The following C2orf76 variants were observed in gnomAD, a reference collection of about 807,000 sequenced individuals.
C2orf76 encodes the protein UPF0538 protein C2orf76.
In C2orf76, 23 loss-of-function variants were observed where a neutral mutation model predicts 16.9. The observed-to-expected ratio is 1.36, with a 90% CI of 0.98 to 1.93. The LOEUF (loss-of-function observed/expected upper bound fraction) is 1.93, where lower values mean the gene tolerates loss of function less well. C2orf76 is among the 30% of genes most tolerant of loss of function. The pLI, the probability that C2orf76 is intolerant of heterozygous loss-of-function variation, is 0.00. For synonymous variants in C2orf76, 48 were observed against 52.3 expected (o/e 0.92, Z 0.35); for missense variants, 152 against 152.6 (o/e 1.00, Z 0.02).
chr2:119,336,903 C>T (rs934191635), intron 2 of C2orf76, among the ~76,000 whole-genome samples: 2 of 152,058 alleles, frequency 1.3e-5, no homozygotes, highest in African/African-American at 2.4e-5. Context: ...AGAGATCCCA[C>T]TCAAGCAAGT....
rs578182451 is a variant in C2orf76 at position 119,326,909 on chromosome 2, C to T, written c.134-5705G>A. On this transcript the variant is annotated intron_variant, in intron 2 of 5. Transcript: ENST00000334816. Reference sequence around the variant, plus strand: ...GTACACTGATCTTATATCTTAATATCTTATAACCTTGCTAAGCTCAGTTTG... The same window carrying T: ...GTACACTGATCTTATATCTTAATATTTTATAACCTTGCTAAGCTCAGTTTG... 1.1e-3 allele frequency among the ~76,000 whole-genome samples: 164 copies of T among 152,086 alleles called. 1 individual carries two copies. The highest frequency in any genetic ancestry group is 3.4e-3 in the Middle Eastern group (1 of 294).
rs542602538 is a variant in C2orf76, at chr2:119,343,801, A to C, written c.-12-3830T>G. ...TCTCAAAAAACAAACAAACAAAAAA[A>C]CAAGTCGTTCCATTAATTTAAGAAA... On this transcript the variant is annotated intron_variant, in intron 1 of 5. Coordinates refer to ENST00000334816, the MANE Select transcript of C2orf76 (RefSeq NM_001322331.2). 2.0e-5 allele frequency among the ~76,000 whole-genome samples: 3 copies of C among 152,322 alleles called. No individual in the cohort carries two copies. In the East Asian group the frequency reaches 5.8e-4, roughly 29 times the overall value.
intron 2 of C2orf76, among the ~76,000 whole-genome samples, chr2:119,334,303 G>C (rs950313407): frequency 1.4e-5 from 2 of 146,286 alleles, no homozygotes; most frequent in African/African-American, 5.1e-5. Context: ...TGTAAGGGTG[G>C]CTACATGACA....
At chr2:119,321,097 A>G (rs1679325930) in intron 3 of C2orf76, 57 bp downstream of exon 3, 9 of 937,096 alleles carry the variant, frequency 9.6e-6, no homozygotes, top group Non-Finnish European at 1.4e-5. Context: ...TAAGTTTGTA[A>G]CAAACTAATG....
intron 1 of C2orf76, among the ~76,000 whole-genome samples, chr2:119,354,385 C>T (rs566106526): frequency 3.3e-5 from 5 of 152,018 alleles, no homozygotes; most frequent in South Asian, 2.1e-4. Flanking sequence ...ATTAGCCGGG[C>T]GTGGTGGCAC....
chr2:119,336,262 G>A (rs924287017), intron 2 of C2orf76, among the ~76,000 whole-genome samples: 3 of 151,764 alleles, frequency 2.0e-5, no homozygotes, highest in African/African-American at 4.8e-5. Context: ...GCATAGTGGC[G>A]CACACCTGTA....
At chr2:119,295,612 T>C in the C2orf76 span, among the ~76,000 whole-genome samples, 1 of 152,078 alleles carries the variant, frequency 6.6e-6, no homozygotes, top group Non-Finnish European at 1.5e-5. Flanking sequence ...ATTTGATAGA[T>C]CACAAGAATG....
intron 2 of C2orf76, among the ~76,000 whole-genome samples, chr2:119,334,736 G>A (rs1470810713): frequency 6.6e-6 from 1 of 151,034 alleles, no homozygotes; most frequent in East Asian, 1.9e-4. Flanking sequence ...GAAGTCAGAG[G>A]ATACCAGGAA....
chr2:119,300,867 A>C (rs1365810556), downstream of C2orf76, among the ~76,000 whole-genome samples: 1 of 152,148 alleles, frequency 6.6e-6, no homozygotes, highest in Non-Finnish European at 1.5e-5. Flanking sequence ...CTTTCATACC[A>C]CTATAAGGTC....
At chr2:119,286,261 G>C in the C2orf76 span, among the ~76,000 whole-genome samples, 2 of 149,668 alleles carry the variant, frequency 1.3e-5, no homozygotes. Flanking sequence ...AGGCCACAGT[G>C]TGTGATCAGT....
At chr2:119,299,715 T>C (rs1165789211), downstream of C2orf76, among the ~76,000 whole-genome samples, 1 of 152,142 alleles carries the variant, frequency 6.6e-6, no homozygotes, top group African/African-American at 2.4e-5. Context: ...ATAAGAAAAA[T>C]ACATACCAAA....
intron 2 of C2orf76, among the ~76,000 whole-genome samples, chr2:119,328,199 T>C (rs1208033857): frequency 6.6e-6 from 1 of 152,186 alleles, no homozygotes; most frequent in Non-Finnish European, 1.5e-5. Flanking sequence ...AGAATTGAGA[T>C]TATTTCTTTC....
chr2:119,301,866 A>C (rs1678628819), downstream of C2orf76, among the ~76,000 whole-genome samples: 1 of 151,706 alleles, frequency 6.6e-6, no homozygotes, highest in Admixed American at 6.6e-5. Context: ...CAGCTCAAGA[A>C]AGAAAAGAAA....
chr2:119,314,014 G>GTTTTTTTTTTTT (rs368623211), intron 4 of C2orf76, among the ~76,000 whole-genome samples: 1 of 86,140 alleles, frequency 1.2e-5, no homozygotes, highest in African/African-American at 5.0e-5. Context: ...TTTCTCAGTG[G>GTTTTTTTTTTTT]TTTTTTTTTT....
intron 2 of C2orf76, among the ~76,000 whole-genome samples, chr2:119,334,530 A>C (rs1324850287): frequency 1.3e-5 from 2 of 151,792 alleles, no homozygotes; most frequent in Non-Finnish European, 2.9e-5. Flanking sequence ...GTCTCTACTA[A>C]AAATAAAAAA....
At chr2:119,356,436 G>C (rs1306172697) in intron 1 of C2orf76, among the ~76,000 whole-genome samples, 1 of 149,700 alleles carries the variant, frequency 6.7e-6, no homozygotes, top group Non-Finnish European at 1.5e-5. Flanking sequence ...ACACTGAACT[G>C]AATGAAAGTG....
chr2:119,353,704 G>A (rs1370296538), intron 1 of C2orf76, among the ~76,000 whole-genome samples: 10 of 151,774 alleles, frequency 6.6e-5, no homozygotes, highest in African/African-American at 2.2e-4. Context: ...CTGGGACTAC[G>A]GGCACACGCT....
At position 119,366,815 on chromosome 2, in the gene C2orf76, C is replaced by T. The variant is rs1168502145; in HGVS notation, c.-38G>A. 3.4e-6 allele frequency: 2 copies of T among 588,548 alleles called. No homozygotes were observed. Among genetic ancestry groups the T allele is most frequent in the Admixed American group, 3.4e-5 (1 of 29,748 alleles). The allele number at this position is 588,548 out of a possible 1,614,324, so 36.5% of individuals were successfully genotyped here. On this transcript the variant is annotated 5_prime_UTR_variant, in exon 1 of 6. Coordinates refer to ENST00000334816, the MANE Select transcript of C2orf76 (RefSeq NM_001322331.2). Reference sequence around the variant, plus strand: ...CTGTTCCCGGCGTCCCCTTCGGCTACTCCCGGCGTTTGCGCAAGCGGTCCC... The same window carrying T: ...CTGTTCCCGGCGTCCCCTTCGGCTATTCCCGGCGTTTGCGCAAGCGGTCCC...
At chr2:119,327,100 C>T (rs1679531296) in intron 2 of C2orf76, among the ~76,000 whole-genome samples, 1 of 152,106 alleles carries the variant, frequency 6.6e-6, no homozygotes, top group Non-Finnish European at 1.5e-5. Context: ...TGTTGAATAG[C>T]AGTGATGATG....
Sources: gnomAD v4.1 joint callset for allele counts (sites outside exome capture counted in the v4.1 genomes callset) on GRCh38, gnomAD v4.1.1 for gene constraint, MANE v1.5 for transcripts, NCBI Gene and HGNC (gene_info 2026-07-23, HGNC 2026-07-21) for gene names.